The following CNGB3 variants were observed in gnomAD, a reference collection of about 807,000 sequenced individuals.
CNGB3 encodes the protein cyclic nucleotide gated channel subunit beta 3.
Under a neutral mutation model 92.8 loss-of-function variants are expected in CNGB3, and 86 were observed. The ratio of observed to expected loss-of-function variants is 0.93; its 90% CI spans 0.78 to 1.11. CNGB3 has a LOEUF of 1.11. CNGB3 is among the 50% of genes least tolerant of loss of function. The pLI, the probability that CNGB3 is intolerant of heterozygous loss-of-function variation, is 0.00. For synonymous variants in CNGB3, 333 were observed against 332.7 expected (o/e 1.00, Z -0.01); for missense variants, 1,026 against 956.8 (o/e 1.07, Z -0.95).
intron 2 of CNGB3, among the ~76,000 whole-genome samples, chr8:86,729,894 A>T (rs894166421): frequency 6.6e-6 from 1 of 152,210 alleles, no homozygotes; most frequent in Non-Finnish European, 1.5e-5. Context: ...TAGCTGCCCA[A>T]ATGAATAGTG....
At chr8:86,690,024 C>T (rs1463623139) in intron 3 of CNGB3, among the ~76,000 whole-genome samples, 1 of 152,170 alleles carries the variant, frequency 6.6e-6, no homozygotes, top group Admixed American at 6.5e-5. Flanking sequence ...AGTAAACATA[C>T]ATGTGCATGT....
Position 86,726,645 on chromosome 8 carries a change from T to C in CNGB3, c.224A>G (p.Lys75Arg), listed in dbSNP as rs1295664107. The C allele has an allele frequency of 1.2e-6, 2 of 1,613,764 alleles. No homozygotes were observed. Among genetic ancestry groups the C allele is most frequent in the East Asian group, 2.2e-5 (1 of 44,882 alleles). ...GGTCAGATCTCCAGAGGAATTTTTC[T>C]TGGAGAGTTTGTCTATGAAAAAAAA... ...PHTNIQDKLS[K>R]KNSSGDLTTN... Residue 75 changes from lysine (K) to arginine (R), a missense_variant, in exon 3 of 18, where the codon AAG (lysine) becomes AGG (arginine). Coordinates refer to ENST00000320005, the MANE Select transcript of CNGB3 (RefSeq NM_019098.5).
chr8:86,639,130 A>G (rs773017838), intron 10 of CNGB3, among the ~76,000 whole-genome samples: 2 of 150,750 alleles, frequency 1.3e-5, no homozygotes, highest in Non-Finnish European at 3.0e-5. Context: ...ACTAAAGTCA[A>G]TAATTCCCAT....
At chr8:86,591,749 C>T (rs1198063198) in intron 15 of CNGB3, among the ~76,000 whole-genome samples, 2 of 152,202 alleles carry the variant, frequency 1.3e-5, no homozygotes, top group Non-Finnish European at 2.9e-5. Flanking sequence ...TCAAAGCTGT[C>T]AGACAGGGAC....
intron 15 of CNGB3, among the ~76,000 whole-genome samples, chr8:86,592,353 C>T (rs574549156): frequency 1.3e-5 from 2 of 152,368 alleles, no homozygotes; most frequent in South Asian, 4.1e-4. Context: ...ATTCGGCCAT[C>T]TTGGCTCCTC....
intron 15 of CNGB3, among the ~76,000 whole-genome samples, chr8:86,583,059 G>A (rs1250162750): frequency 1.5e-4 from 2 of 13,356 alleles, no homozygotes; most frequent in Non-Finnish European, 3.1e-4. Flanking sequence ...CCACCACCAT[G>A]CCTGGCTAAT....
chr8:86,604,458 A>G (rs1296898741), intron 14 of CNGB3, among the ~76,000 whole-genome samples: 1 of 152,186 alleles, frequency 6.6e-6, no homozygotes, highest in Non-Finnish European at 1.5e-5. Flanking sequence ...CCTTGGATAC[A>G]TGAAGATATT....
intron 15 of CNGB3, among the ~76,000 whole-genome samples, chr8:86,593,496 C>A (rs1223578020): frequency 1.3e-5 from 2 of 152,146 alleles, no homozygotes; most frequent in East Asian, 3.9e-4. Flanking sequence ...AAGTAAATCC[C>A]TTTATTTTCC....
chr8:86,585,550 G>A (rs111413184), intron 15 of CNGB3, among the ~76,000 whole-genome samples: 289 of 152,226 alleles, frequency 1.9e-3, no homozygotes, highest in African/African-American at 6.7e-3. Context: ...ATACAAAAGA[G>A]CATAAATTGA....
At chr8:86,579,348 G>T in intron 15 of CNGB3, 96 bp from the exon 16 acceptor site, 1 of 1,393,244 alleles carries the variant, frequency 7.2e-7, no homozygotes, top group Non-Finnish European at 1.0e-6. Context: ...TATTTATACT[G>T]CTTCAGAAAT....
Position 86,575,707 on chromosome 8 carries a change from G to T in CNGB3, c.*97C>A. On this transcript the variant is annotated 3_prime_UTR_variant, in exon 18 of 18. Transcript: ENST00000320005. ...GGGATTTGCCTTTCGTTTCTCAAGG[G>T]TCCCAGCATGTCGTTTCCCCTCGTT... 9.1e-7 allele frequency: 1 copy of T among 1,096,386 alleles called. No individual in the cohort carries two copies. Among genetic ancestry groups the T allele is most frequent in the Non-Finnish European group, 1.3e-6 (1 of 741,216 alleles). 67.9% of individuals were successfully genotyped at this position (1,096,386 alleles called of 1,614,324 possible).
At chr8:86,705,159 C>T (rs959172656) in intron 3 of CNGB3, among the ~76,000 whole-genome samples, 2 of 152,142 alleles carry the variant, frequency 1.3e-5, no homozygotes, top group Admixed American at 6.5e-5. Context: ...AAGTCCTTTG[C>T]CAATATTTCA....
At chr8:86,741,225 T>G (rs1001467892) in intron 1 of CNGB3, among the ~76,000 whole-genome samples, 1 of 152,212 alleles carries the variant, frequency 6.6e-6, no homozygotes, top group Non-Finnish European at 1.5e-5. Context: ...TTTTGAAAGG[T>G]CGAATTCCGT....
At chr8:86,729,454 G>C (rs1376211239) in intron 2 of CNGB3, among the ~76,000 whole-genome samples, 1 of 152,098 alleles carries the variant, frequency 6.6e-6, no homozygotes, top group Non-Finnish European at 1.5e-5. Flanking sequence ...CTATTACCAA[G>C]CCTTTCTAAA....
At chr8:86,692,456 T>G (rs1824338410) in intron 3 of CNGB3, among the ~76,000 whole-genome samples, 1 of 152,226 alleles carries the variant, frequency 6.6e-6, no homozygotes, top group Non-Finnish European at 1.5e-5. Flanking sequence ...CCTATTGGAC[T>G]AATCCTTTTA....
At position 86,575,847 on chromosome 8, in the gene CNGB3, T is replaced by C. The variant is rs781481819; in HGVS notation, c.2387A>G (p.Glu796Gly). The C allele has an allele frequency of 1.5e-4, 246 of 1,613,528 alleles. No homozygotes were observed. The highest frequency in any genetic ancestry group is 2.0e-4 in the Non-Finnish European group (231 of 1,179,904). The change falls in exon 18 of 18, where the codon GAA becomes GGA. Residue 796 changes from glutamate to glycine, a missense_variant. Transcript: ENST00000320005. ...TTTGACTTCAATAGTAAGAACCTCT[T>C]CTCCGCCCTCAGCAGAAGGAGCCAT... Reference protein sequence around the residue: ...ISMAPSAEGGEEVLTIEVKEK... With the variant: ...ISMAPSAEGGGEVLTIEVKEK...
At chr8:86,576,200 G>A in intron 17 of CNGB3, 70 bp from the exon 18 acceptor site, 2 of 1,470,948 alleles carry the variant, frequency 1.4e-6, no homozygotes, top group Non-Finnish European at 1.9e-6. Flanking sequence ...ATTTTGATTA[G>A]CATGCAATGG....
chr8:86,726,096 T>G (rs2131671620), intron 3 of CNGB3, among the ~76,000 whole-genome samples: 1 of 152,350 alleles, frequency 6.6e-6, no homozygotes, highest in South Asian at 2.1e-4. Flanking sequence ...CATGTCACAC[T>G]TTCTTTAGTG....
chr8:86,661,337 A>T (rs1823636665), intron 6 of CNGB3: 2 of 395,996 alleles, frequency 5.1e-6, no homozygotes, highest in African/African-American at 2.1e-5. Context: ...ATCCTTTTCA[A>T]GCAATATTGC....
Sources: gnomAD v4.1 joint callset for allele counts (sites outside exome capture counted in the v4.1 genomes callset) on GRCh38, gnomAD v4.1.1 for gene constraint, MANE v1.5 for transcripts, NCBI Gene and HGNC (gene_info 2026-07-23, HGNC 2026-07-21) for gene names.